LYPLA1: variants seen among roughly 807,000 people sequenced by gnomAD.
The protein encoded by LYPLA1 is lysophospholipase 1, also known as acyl-protein thioesterase 1.
LYPLA1 carries 17 observed loss-of-function variants against 34.0 expected under a neutral mutation model. The ratio of observed to expected loss-of-function variants is 0.50; its 90% CI spans 0.34 to 0.75. The LOEUF is 0.75. Ranked by LOEUF, LYPLA1 falls within the 30% of genes least tolerant of loss-of-function variation. LYPLA1 has a pLI of 0.01. For missense variants in LYPLA1, 203 were observed against 288.8 expected, an observed-to-expected ratio of 0.70 and a Z score of 2.15; for synonymous variants, 98 against 100.8, an observed-to-expected ratio of 0.97 and a Z score of 0.17.
intron 2 of LYPLA1, among the ~76,000 whole-genome samples, chr8:54,084,865 T>G (rs1267343356): frequency 1.3e-5 from 2 of 152,164 alleles, no homozygotes; most frequent in African/African-American, 4.8e-5. Context: ...TATACAGGCC[T>G]GTAACAAGGA....
At chr8:54,086,438 TA>T (rs768755796) in intron 2 of LYPLA1, among the ~76,000 whole-genome samples, 6,342 of 34,704 alleles carry the variant, frequency 0.18, 323 homozygotes, top group East Asian at 0.5. Context: ...CTAAAAAAAT[TA>T]AAAAAAAAAA....
rs755584563 is a variant in LYPLA1 at position 54,065,788 on chromosome 8, C to A, written c.127G>T (p.Gly43Cys). ...TATTTGATATGTGAACTTCTGATACCTGCAAAGGCTTCTGCCCATCCGTGC... is the reference window on the plus strand; with the variant it reads ...TATTTGATATGTGAACTTCTGATACATGCAAAGGCTTCTGCCCATCCGTGC... ...TGHGWAEAFA[G>C]IRSSHIKYIC... is the part of the protein sequence containing the mutation. Residue 43 changes from glycine to cysteine, a missense_variant, in exon 3 of 9, where the codon GGT becomes TGT. Physicochemically the swap from Gly to Cys is radical, Grantham distance 159. Around this residue, in one of 3 missense-constraint regions of LYPLA1, gnomAD observed 75 missense variants for 73.5 expected, o/e 1.02. Transcript: ENST00000316963. 1 of 1,613,908 alleles carries A rather than the reference C, an allele frequency of 6.2e-7. No individual in the cohort carries two copies. Among genetic ancestry groups the A allele is most frequent in the South Asian group, 1.1e-5 (1 of 91,072 alleles).
downstream of LYPLA1, among the ~76,000 whole-genome samples, chr8:54,043,658 T>A (rs1003547288): frequency 1.3e-5 from 2 of 151,770 alleles, no homozygotes; most frequent in Non-Finnish European, 2.9e-5. Context: ...GCCTCCTGGG[T>A]TCAAGCAATT....
chr8:54,096,273 A>C (rs1403700788), intron 2 of LYPLA1, among the ~76,000 whole-genome samples: 1 of 152,228 alleles, frequency 6.6e-6, no homozygotes, highest in African/African-American at 2.4e-5. Flanking sequence ...AAAAGTTTAA[A>C]ACATAACAGA....
intron 3 of LYPLA1, among the ~76,000 whole-genome samples, chr8:54,064,980 T>C (rs376919680): frequency 6.6e-6 from 1 of 152,216 alleles, no homozygotes; most frequent in African/African-American, 2.4e-5. Flanking sequence ...GCCAATCTTA[T>C]TGATCTTCTA....
chr8:54,067,321 C>T (rs138777740), intron 2 of LYPLA1, among the ~76,000 whole-genome samples: 129 of 152,224 alleles, frequency 8.5e-4, no homozygotes, highest in Middle Eastern at 3.4e-3. Context: ...TATAGTAAGA[C>T]CCACTCTACA....
intron 2 of LYPLA1, among the ~76,000 whole-genome samples, chr8:54,085,450 G>C (rs140342298): frequency 6.6e-6 from 1 of 151,372 alleles, no homozygotes; most frequent in East Asian, 1.9e-4. Context: ...GCCGCCCATC[G>C]TCTGGGATGT....
chr8:54,049,341 G>A (rs1344138986), intron 8 of LYPLA1, among the ~76,000 whole-genome samples: 1 of 152,140 alleles, frequency 6.6e-6, no homozygotes, highest in Non-Finnish European at 1.5e-5. Context: ...GAAAAGATAA[G>A]CACATCTAAT....
At chr8:54,087,499 G>C (rs1043709085) in intron 2 of LYPLA1, among the ~76,000 whole-genome samples, 1 of 152,152 alleles carries the variant, frequency 6.6e-6, no homozygotes, top group Non-Finnish European at 1.5e-5. Context: ...TACTCTGTCT[G>C]AAACAAACAA....
chr8:54,098,720 A>G (rs1426537101), intron 2 of LYPLA1, among the ~76,000 whole-genome samples: 1 of 152,190 alleles, frequency 6.6e-6, no homozygotes, highest in African/African-American at 2.4e-5. Context: ...AATGGTGTAC[A>G]ATTTTAAACT....
At chr8:54,070,231 C>A (rs1052582309) in intron 2 of LYPLA1, among the ~76,000 whole-genome samples, 2 of 152,204 alleles carry the variant, frequency 1.3e-5, no homozygotes, top group Non-Finnish European at 2.9e-5. Flanking sequence ...AGGAGAATTG[C>A]TGGAACCCGG....
downstream of LYPLA1, among the ~76,000 whole-genome samples, chr8:54,043,657 G>C (rs532740243): frequency 2.0e-5 from 3 of 151,898 alleles, no homozygotes; most frequent in South Asian, 6.2e-4. Context: ...AGCCTCCTGG[G>C]TTCAAGCAAT....
intron 6 of LYPLA1, chr8:54,054,303 CTA>C (rs1198129723): frequency 2.6e-5 from 4 of 156,090 alleles, no homozygotes; most frequent in African/African-American, 7.2e-5. Context: ...ATTTCTGTCC[CTA>C]TGTTTATGTC....
chr8:54,073,824 G>T (rs1038219129), intron 2 of LYPLA1, among the ~76,000 whole-genome samples: 1 of 152,124 alleles, frequency 6.6e-6, no homozygotes, highest in African/African-American at 2.4e-5. Context: ...CCCAAGTCCA[G>T]TGTTTCTTGA....
chr8:54,054,698 T>TA (rs1281082311), intron 6 of LYPLA1: 1 of 169,800 alleles, frequency 5.9e-6, no homozygotes, highest in Non-Finnish European at 1.2e-5. Flanking sequence ...CACATATTCA[T>TA]ACCTAAAACC....
Position 54,101,791 on chromosome 8 carries a change from G to A in LYPLA1, c.33C>T (p.Pro11=), listed in dbSNP as rs752619525. The A allele has an allele frequency of 1.5e-6, 2 of 1,295,490 alleles. No individual in the cohort carries two copies. Among genetic ancestry groups the A allele is most frequent in the East Asian group, 6.0e-5 (2 of 33,568 alleles). 80.2% of individuals were successfully genotyped at this position (1,295,490 alleles called of 1,614,324 possible). A position where few individuals can be genotyped will look rare whatever the true frequency, so the allele number is the denominator to read the frequency against. Reference sequence around the variant, plus strand: ...CCTTCCGGGCGGCGGGCACGATGGCGGGCAGCGGGGTTGACATGTTATTGC... The same window carrying A: ...CCTTCCGGGCGGCGGGCACGATGGCAGGCAGCGGGGTTGACATGTTATTGC... MCGNNMSTPL[P]AIVPAARKAT... The change falls in exon 1 of 9, where the codon CCC becomes CCT. Residue 11 remains proline, a synonymous_variant. Transcript: ENST00000316963.
intron 2 of LYPLA1, among the ~76,000 whole-genome samples, chr8:54,097,342 C>G (rs1809767458): frequency 6.6e-6 from 1 of 152,034 alleles, no homozygotes; most frequent in Admixed American, 6.6e-5. Flanking sequence ...TACACAAACC[C>G]AAATTAAAGG....
intron 5 of LYPLA1, among the ~76,000 whole-genome samples, chr8:54,060,281 A>T (rs1306269692): frequency 6.6e-6 from 1 of 151,910 alleles, no homozygotes; most frequent in Non-Finnish European, 1.5e-5. Flanking sequence ...AGGCGCTACC[A>T]TGCCCGGCTA....
At chr8:54,074,614 A>G (rs976083798) in intron 2 of LYPLA1, among the ~76,000 whole-genome samples, 6 of 152,202 alleles carry the variant, frequency 3.9e-5, no homozygotes, top group African/African-American at 1.4e-4. Flanking sequence ...TCATGATTTA[A>G]CCCATGTTAA....
Sources: gnomAD v4.1 joint callset for allele counts (sites outside exome capture counted in the v4.1 genomes callset) on GRCh38, gnomAD v4.1.1 for gene constraint, gnomAD v4.1.1 regional missense constraint, MANE v1.5 for transcripts, NCBI Gene and HGNC (gene_info 2026-07-23, HGNC 2026-07-21) for gene names.